The following COBLL1 variants were observed in gnomAD, a reference collection of about 807,000 sequenced individuals.
The protein encoded by COBLL1 is cordon-bleu WH2 repeat protein like 1.
A neutral mutation model predicts 94.8 loss-of-function variants in COBLL1; 50 were observed. That is an observed-to-expected ratio of 0.53 (90% CI 0.42 to 0.67). The LOEUF (loss-of-function observed/expected upper bound fraction) is 0.67, where lower values mean the gene tolerates loss of function less well. Among genes scored for constraint, COBLL1 ranks in the 30% least tolerant of loss-of-function variants. The pLI is 0.00. For synonymous variants in COBLL1, 448 were observed against 473.8 expected (o/e 0.95, Z 0.71); for missense variants, 1,362 against 1,348.7 (o/e 1.01, Z -0.15).
intron 2 of COBLL1, among the ~76,000 whole-genome samples, chr2:164,773,526 T>C (rs1194293491): frequency 6.6e-6 from 1 of 152,092 alleles, no homozygotes. Flanking sequence ...AAAGCATCAA[T>C]TCAAAAAACA....
chr2:164,760,040 A>C (rs1293844415), intron 2 of COBLL1, among the ~76,000 whole-genome samples: 1 of 152,074 alleles, frequency 6.6e-6, no homozygotes, highest in African/African-American at 2.4e-5. Context: ...CCAGTAATCT[A>C]CTCCTAGGTA....
rs114186439 is a variant in COBLL1 at position 164,749,247 on chromosome 2, C to T, written c.42-5372G>A. Reference sequence around the variant, plus strand: ...GCTCTCATCAGTTTGCTGTATTTATCATATTTATAAAGTATTCTTATAGAT... The same window carrying T: ...GCTCTCATCAGTTTGCTGTATTTATTATATTTATAAAGTATTCTTATAGAT... On this transcript the variant is annotated intron_variant, in intron 2 of 13. Transcript: ENST00000652658. Among the ~76,000 whole-genome samples the T allele has an allele frequency of 3.0e-3, 456 of 152,168 alleles. 1 individual carries two copies. Among genetic ancestry groups the T allele is most frequent in the African/African-American group, 0.01 (418 of 41,538 alleles).
At chr2:164,721,477 A>T (rs1337140223) in intron 7 of COBLL1, among the ~76,000 whole-genome samples, 2 of 152,244 alleles carry the variant, frequency 1.3e-5, no homozygotes, top group Admixed American at 6.5e-5. Context: ...TGTAATAGTA[A>T]GAAACTTTGA....
At chr2:164,785,924 T>G (rs78811962) in intron 2 of COBLL1, among the ~76,000 whole-genome samples, 22 of 18,232 alleles carry the variant, frequency 1.2e-3, no homozygotes, top group Non-Finnish European at 9.6e-5. Flanking sequence ...AAAGGTAGAT[T>G]TTTTTTTTTT....
intron 2 of COBLL1, among the ~76,000 whole-genome samples, chr2:164,786,950 G>C (rs1456163945): frequency 6.6e-6 from 1 of 151,974 alleles, no homozygotes; most frequent in Non-Finnish European, 1.5e-5. Flanking sequence ...TGCCTCCACA[G>C]ACCAGGGAAA....
At chr2:164,679,856 A>G (rs1418256009), downstream of COBLL1, among the ~76,000 whole-genome samples, 2 of 151,934 alleles carry the variant, frequency 1.3e-5, no homozygotes, top group Non-Finnish European at 2.9e-5. Context: ...TGATGGGTGC[A>G]GCAAACTACC....
intron 2 of COBLL1, among the ~76,000 whole-genome samples, chr2:164,802,019 T>C (rs746535142): frequency 4.6e-5 from 7 of 152,208 alleles, no homozygotes; most frequent in Admixed American, 6.5e-5. Flanking sequence ...GAAGTAAATA[T>C]GAAATTTCAT....
chr2:164,774,539 T>C (rs932029839), intron 2 of COBLL1, among the ~76,000 whole-genome samples: 8 of 152,194 alleles, frequency 5.3e-5, no homozygotes, highest in African/African-American at 1.7e-4. Context: ...GAAACTTTGA[T>C]ACAAAATCAC....
chr2:164,800,643 A>T, intron 2 of COBLL1: 1 of 684,958 alleles, frequency 1.5e-6, no homozygotes, highest in Admixed American at 2.1e-5. Flanking sequence ...CCCAAACTGG[A>T]AACAATCTAA....
At position 164,681,401 on chromosome 2, in the gene COBLL1, G is replaced by A. The variant is rs1285181414; in HGVS notation, c.*4545C>T. The stretch of plus-strand genomic sequence containing the variant: ...ACAGTGAAAGCAAGCAGAAACACAT[G>A]AACCTTTGAGGGCTGGTCTTAGAAC... On this transcript the variant is annotated 3_prime_UTR_variant, in exon 14 of 14. Transcript: ENST00000652658. The A allele has an allele frequency of 1.3e-5, 2 of 152,138 alleles. No homozygotes were observed. The highest frequency in any genetic ancestry group is 2.9e-5 in the Non-Finnish European group (2 of 68,038). 9.4% of individuals were successfully genotyped at this position (152,138 alleles called of 1,614,324 possible). A position where few individuals can be genotyped will look rare whatever the true frequency, so the allele number is the denominator to read the frequency against.
chr2:164,699,034 G>T (rs931359069), intron 11 of COBLL1, among the ~76,000 whole-genome samples: 2 of 151,768 alleles, frequency 1.3e-5, no homozygotes, highest in Non-Finnish European at 2.9e-5. Context: ...GAAACAGATC[G>T]CAAATAGATA....
chr2:164,768,244 G>A (rs182309751), intron 2 of COBLL1, among the ~76,000 whole-genome samples: 23 of 152,238 alleles, frequency 1.5e-4, no homozygotes, highest in African/African-American at 5.3e-4. Context: ...AGTAGAAAAT[G>A]AGAATACTGT....
At chr2:164,758,744 A>C (rs556017688) in intron 2 of COBLL1, among the ~76,000 whole-genome samples, 3 of 152,316 alleles carry the variant, frequency 2.0e-5, no homozygotes, top group African/African-American at 7.2e-5. Flanking sequence ...TGGCACATAG[A>C]AATTAAGTAT....
At chr2:164,811,727 A>G (rs912060989) in intron 2 of COBLL1, among the ~76,000 whole-genome samples, 1 of 152,008 alleles carries the variant, frequency 6.6e-6, no homozygotes, top group Non-Finnish European at 1.5e-5. Context: ...TGGAACAGCC[A>G]AAAAAGTATA....
chr2:164,737,487 G>A (rs1686366299), intron 3 of COBLL1, among the ~76,000 whole-genome samples: 1 of 152,032 alleles, frequency 6.6e-6, no homozygotes, highest in Admixed American at 6.6e-5. Context: ...CAGTTAAAAT[G>A]CCAACTTTTG....
At chr2:164,788,493 T>C (rs929310454) in intron 2 of COBLL1, among the ~76,000 whole-genome samples, 1 of 152,136 alleles carries the variant, frequency 6.6e-6, no homozygotes, top group Non-Finnish European at 1.5e-5. Flanking sequence ...AAGGCCCACT[T>C]TCTCCCTCTA....
Position 164,841,548 on chromosome 2 carries a change from A to C in COBLL1, c.-51+162T>G. 3.9e-6 allele frequency: 3 copies of C among 770,544 alleles called. No individual in the cohort carries two copies. The highest frequency in any genetic ancestry group is 5.0e-6 in the Non-Finnish European group (3 of 604,100). 47.7% of individuals were successfully genotyped at this position (770,544 alleles called of 1,614,324 possible). On this transcript the variant is annotated intron_variant, in intron 1 of 13. Coordinates refer to ENST00000652658, the MANE Select transcript of COBLL1 (RefSeq NM_001365672.2). The surrounding 1 kb of genome is among the most constrained non-coding windows in gnomAD (Gnocchi z 5.5). Reference sequence around the variant, plus strand: ...GGGAGAGGAGCCGCCGGGGCTGGAAAAGGAGGAGGAGCGGGGCCGGGCGCA... The same window carrying C: ...GGGAGAGGAGCCGCCGGGGCTGGAACAGGAGGAGGAGCGGGGCCGGGCGCA...
At chr2:164,725,473 A>G (rs1363602427) in intron 5 of COBLL1, among the ~76,000 whole-genome samples, 1 of 152,088 alleles carries the variant, frequency 6.6e-6, no homozygotes, top group East Asian at 1.9e-4. Flanking sequence ...TCTGGAGTGC[A>G]CTGGCAGGGT....
chr2:164,730,698 G>A (rs1013104721), intron 3 of COBLL1, among the ~76,000 whole-genome samples: 4 of 152,154 alleles, frequency 2.6e-5, no homozygotes, highest in Non-Finnish European at 4.4e-5. Context: ...AATTTCAGGA[G>A]GAGGAGTCCT....
Sources: allele counts gnomAD v4.1 joint callset (sites outside exome capture counted in the v4.1 genomes callset), GRCh38; gene constraint gnomAD v4.1.1; non-coding constraint Gnocchi (gnomAD v3.1); transcripts MANE v1.5; gene names NCBI Gene and HGNC (gene_info 2026-07-23, HGNC 2026-07-21).